NAV2: variants seen among roughly 807,000 people sequenced by gnomAD.
NAV2 encodes the protein helicase, APC down-regulated 1.
In NAV2, 54 loss-of-function variants were observed where a neutral mutation model predicts 223.2. The ratio of observed to expected loss-of-function variants is 0.24; its 90% CI spans 0.19 to 0.30. NAV2 has a LOEUF of 0.30. Ranked by LOEUF, NAV2 falls within the 10% of genes least tolerant of loss-of-function variation. The pLI is 1.00. For missense variants in NAV2, 2,806 were observed against 3,147.5 expected, an observed-to-expected ratio of 0.89 and a Z score of 2.60; for synonymous variants, 1,279 against 1,239.3, an observed-to-expected ratio of 1.03 and a Z score of -0.67.
At chr11:20,052,695 G>C (rs538818421) in intron 17 of NAV2, among the ~76,000 whole-genome samples, 1 of 152,196 alleles carries the variant, frequency 6.6e-6, no homozygotes, top group Non-Finnish European at 1.5e-5. Flanking sequence ...GTCCTGGAAA[G>C]TTGCATGTCT....
At chr11:19,474,341 G>A (rs2042054712) in intron 1 of NAV2, among the ~76,000 whole-genome samples, 2 of 152,248 alleles carry the variant, frequency 1.3e-5, no homozygotes, top group Admixed American at 1.3e-4. Flanking sequence ...ATGTTAGAAA[G>A]ACTGAGAAAG....
At chr11:19,389,327 T>C (rs890105553) in intron 1 of NAV2, among the ~76,000 whole-genome samples, 3 of 152,242 alleles carry the variant, frequency 2.0e-5, no homozygotes, top group East Asian at 1.9e-4. Flanking sequence ...TTCAGTCTTA[T>C]GGAGACAAGC....
chr11:19,920,638 T>C (rs2044201034), intron 6 of NAV2, among the ~76,000 whole-genome samples: 2 of 152,186 alleles, frequency 1.3e-5, no homozygotes, highest in South Asian at 4.1e-4. Flanking sequence ...GAGGTGGCAT[T>C]CAAAAAGTAC....
At chr11:19,378,530 G>T (rs545685745) in intron 1 of NAV2, among the ~76,000 whole-genome samples, 2 of 150,206 alleles carry the variant, frequency 1.3e-5, no homozygotes, top group Non-Finnish European at 2.9e-5. Context: ...AAAGAGCGGC[G>T]CCTCACTATT....
intron 1 of NAV2, among the ~76,000 whole-genome samples, chr11:19,479,530 A>T (rs2042217923): frequency 6.6e-6 from 1 of 152,184 alleles, no homozygotes; most frequent in Non-Finnish European, 1.5e-5. Context: ...ATATGCCAGG[A>T]GCTGTGACAG....
rs200668082 is a variant in NAV2, at chr11:20,101,130, C to T, written c.6375C>T (p.Asp2125=). ...IVLREGRELT[D]GVIATFNVDH... Reference sequence around the variant, plus strand: ...TTCGAGAGGGACGGGAGTTGACAGACGGGGTTATCGCCACCTTTAACGTGG... The same window carrying T: ...TTCGAGAGGGACGGGAGTTGACAGATGGGGTTATCGCCACCTTTAACGTGG... Residue 2125 remains aspartate, a synonymous_variant, in exon 32 of 38, where the codon GAC becomes GAT. Coordinates refer to ENST00000349880, the MANE Select transcript of NAV2 (RefSeq NM_145117.5). 6.9e-5 allele frequency: 111 copies of T among 1,614,118 alleles called. 1 individual carries two copies. In the East Asian group the frequency reaches 1.2e-3, roughly 17 times the overall value.
At chr11:19,442,659 G>A (rs187866433) in intron 1 of NAV2, among the ~76,000 whole-genome samples, 22 of 152,332 alleles carry the variant, frequency 1.4e-4, no homozygotes. Context: ...TTGGGAGATG[G>A]TGGCATCATA....
intron 1 of NAV2, among the ~76,000 whole-genome samples, chr11:19,484,127 A>ACACACAC (rs140586290): frequency 1.3e-4 from 19 of 144,786 alleles, no homozygotes; most frequent in South Asian, 2.3e-4. Flanking sequence ...ACTGATCACA[A>ACACACAC]ACACACACAC....
At chr11:19,731,576 A>T (rs929155321) in intron 1 of NAV2, among the ~76,000 whole-genome samples, 12 of 152,218 alleles carry the variant, frequency 7.9e-5, no homozygotes, top group African/African-American at 2.9e-4. Context: ...ATAGTTATTG[A>T]GGGAGGTATC....
intron 1 of NAV2, among the ~76,000 whole-genome samples, chr11:19,498,288 C>T (rs1429868274): frequency 6.6e-6 from 1 of 152,216 alleles, no homozygotes; most frequent in Non-Finnish European, 1.5e-5. Context: ...CCTTGGTTTC[C>T]TCATCTACCA....
chr11:20,106,155 G>GTATATA (rs1554968868), intron 35 of NAV2, among the ~76,000 whole-genome samples: 31 of 31,494 alleles, frequency 9.8e-4, no homozygotes, highest in African/African-American at 1.7e-3. Flanking sequence ...GTGTGTGTGT[G>GTATATA]TATATATATA....
At position 19,823,052 on chromosome 11, in the gene NAV2, A is replaced by C. The variant is rs146425640; in HGVS notation, c.268-9432A>C. Among the ~76,000 whole-genome samples the C allele has an allele frequency of 2.6e-3, 397 of 152,252 alleles. 4 individuals are homozygous for C. The highest frequency in any genetic ancestry group is 1.3e-3 in the Non-Finnish European group (87 of 68,018). Reference sequence around the variant, plus strand: ...TAAACAGTATGTGCTCTTACTTTATACAGAGTTTTGTTTGAGACAGGGTCT... The same window carrying C: ...TAAACAGTATGTGCTCTTACTTTATCCAGAGTTTTGTTTGAGACAGGGTCT... On this transcript the variant is annotated intron_variant, in intron 1 of 37. Transcript: ENST00000349880.
At chr11:19,846,139 T>C (rs1362686463) in intron 3 of NAV2, among the ~76,000 whole-genome samples, 1 of 152,144 alleles carries the variant, frequency 6.6e-6, no homozygotes, top group African/African-American at 2.4e-5. Context: ...CAAGAGATGA[T>C]GGGTGGAAGA....
At chr11:19,582,292 C>A (rs1373655052) in intron 1 of NAV2, among the ~76,000 whole-genome samples, 6 of 152,168 alleles carry the variant, frequency 3.9e-5, no homozygotes, top group South Asian at 2.1e-4. Context: ...TAGATCGCAA[C>A]AATTTTCTCC....
chr11:19,761,912 C>T (rs944360857), intron 1 of NAV2, among the ~76,000 whole-genome samples: 1 of 152,180 alleles, frequency 6.6e-6, no homozygotes. Context: ...TCTACTGAAC[C>T]TTGCCCATTC....
At chr11:19,799,145 C>T (rs1030937980) in intron 1 of NAV2, among the ~76,000 whole-genome samples, 2 of 152,084 alleles carry the variant, frequency 1.3e-5, no homozygotes, top group African/African-American at 2.4e-5. Flanking sequence ...TATTGAGGGC[C>T]GACACTAGCA....
intron 1 of NAV2, among the ~76,000 whole-genome samples, chr11:19,623,402 C>A (rs1268557004): frequency 6.6e-6 from 1 of 152,164 alleles, no homozygotes; most frequent in Non-Finnish European, 1.5e-5. Context: ...TCAGGTACAC[C>A]AATCAGACGT....
chr11:19,654,583 T>C (rs1324470377), intron 1 of NAV2, among the ~76,000 whole-genome samples: 1 of 152,132 alleles, frequency 6.6e-6, no homozygotes, highest in Non-Finnish European at 1.5e-5. Context: ...TCAAAAATAA[T>C]GCCACATATC....
chr11:19,685,639 G>A (rs188975307), intron 1 of NAV2, among the ~76,000 whole-genome samples: 237 of 152,356 alleles, frequency 1.6e-3, no homozygotes, highest in African/African-American at 5.5e-3. Flanking sequence ...TAGTGAAACA[G>A]CCGTATGATG....
Sources: allele counts gnomAD v4.1 joint callset (sites outside exome capture counted in the v4.1 genomes callset), GRCh38; gene constraint gnomAD v4.1.1; transcripts MANE v1.5; gene names NCBI Gene and HGNC (gene_info 2026-07-23, HGNC 2026-07-21).